CAP2: variants seen among roughly 807,000 people sequenced by gnomAD.
CAP2 encodes adenylyl cyclase-associated protein 2.
A neutral mutation model predicts 57.7 loss-of-function variants in CAP2; 24 were observed. The ratio of observed to expected loss-of-function variants is 0.42; its 90% CI spans 0.30 to 0.58. CAP2 has a LOEUF of 0.58. Ranked by LOEUF, CAP2 falls within the 20% of genes least tolerant of loss-of-function variation. CAP2 has a pLI of 0.22. For synonymous variants in CAP2, 194 were observed against 207.2 expected (o/e 0.94, Z 0.55); for missense variants, 501 against 590.3 (o/e 0.85, Z 1.57).
intron 12 of CAP2, among the ~76,000 whole-genome samples, chr6:17,552,003 G>A (rs779379097): frequency 6.6e-6 from 1 of 152,182 alleles, no homozygotes; most frequent in East Asian, 1.9e-4. Flanking sequence ...TATTTGTGCA[G>A]CTATGCTTAA....
rs147060969 is a variant in CAP2 at position 17,539,447 on chromosome 6, C to T, written c.815C>T (p.Ala272Val). Residue 272 changes from alanine (A) to valine (V), a missense_variant, in exon 8 of 13, where the codon GCA becomes GTA. Coordinates refer to ENST00000229922, the MANE Select transcript of CAP2 (RefSeq NM_006366.3). ...ALFAQLNQGEAITKGLRHVTD... is the reference protein window; with the variant it reads ...ALFAQLNQGEVITKGLRHVTD... ...TTTGCCCAACTTAACCAGGGAGAAG[C>T]AATTACAAAAGGTGAGAGAGAAAAG... 5 of 1,613,516 alleles carry T rather than the reference C, an allele frequency of 3.1e-6. No homozygotes were observed. The highest frequency in any genetic ancestry group is 4.2e-6 in the Non-Finnish European group (5 of 1,179,530).
At chr6:17,418,848 G>A (rs756946652) in intron 1 of CAP2, among the ~76,000 whole-genome samples, 4 of 152,146 alleles carry the variant, frequency 2.6e-5, no homozygotes, top group Admixed American at 1.3e-4. Flanking sequence ...AGAGGATTAC[G>A]TAAAGGATTC....
intron 3 of CAP2, among the ~76,000 whole-genome samples, chr6:17,445,543 G>A (rs1490772292): frequency 6.6e-6 from 1 of 152,180 alleles, no homozygotes; most frequent in Non-Finnish European, 1.5e-5. Flanking sequence ...AAATGACTTT[G>A]GAGTCTGAAA....
chr6:17,525,376 C>T (rs142755914), intron 7 of CAP2, among the ~76,000 whole-genome samples: 175 of 151,636 alleles, frequency 1.2e-3, no homozygotes, highest in African/African-American at 3.6e-3. Flanking sequence ...ACCTGCGAGG[C>T]GGTTGAACCT....
At chr6:17,515,505 T>G (rs1332655681) in intron 7 of CAP2, among the ~76,000 whole-genome samples, 1 of 152,048 alleles carries the variant, frequency 6.6e-6, no homozygotes, top group Non-Finnish European at 1.5e-5. Flanking sequence ...ACTTACTGGG[T>G]ACTGTGCCTA....
At chr6:17,488,292 C>T (rs531327840) in intron 4 of CAP2, among the ~76,000 whole-genome samples, 2 of 152,252 alleles carry the variant, frequency 1.3e-5, no homozygotes, top group East Asian at 3.9e-4. Flanking sequence ...TCTTTTTCTG[C>T]TGTTCTCTCA....
At chr6:17,496,847 A>G (rs1198131630) in intron 4 of CAP2, among the ~76,000 whole-genome samples, 1 of 152,174 alleles carries the variant, frequency 6.6e-6, no homozygotes, top group African/African-American at 2.4e-5. Context: ...ACATCATTTC[A>G]GCCACGTTCT....
chr6:17,552,862 G>A (rs1006285775), intron 12 of CAP2, among the ~76,000 whole-genome samples: 5 of 152,090 alleles, frequency 3.3e-5, no homozygotes, highest in Non-Finnish European at 7.4e-5. Context: ...TTCCCCACCT[G>A]GCAGTAAGTT....
At position 17,499,611 on chromosome 6, in the gene CAP2, G is replaced by A. The variant is rs376501560; in HGVS notation, c.301-7558G>A. On this transcript the variant is annotated intron_variant, in intron 4 of 12. Transcript: ENST00000229922. ...ACGCCTGTAATCCCAGACTTTGAGA[G>A]GCTGGGGTGGGAGGATTGCTTGAGC... Among the ~76,000 whole-genome samples, 141 of 152,112 alleles carry A rather than the reference G, an allele frequency of 9.3e-4. 2 individuals carry two copies. In the South Asian group the frequency reaches 0.024, roughly 26 times the overall value.
At chr6:17,475,037 A>G (rs1423914392) in intron 4 of CAP2, among the ~76,000 whole-genome samples, 1 of 152,118 alleles carries the variant, frequency 6.6e-6, no homozygotes, top group African/African-American at 2.4e-5. Context: ...TCTACTAAAA[A>G]TACAAAAATT....
chr6:17,397,782 C>T (rs542430093), intron 1 of CAP2, among the ~76,000 whole-genome samples: 3 of 149,584 alleles, frequency 2.0e-5, no homozygotes, highest in South Asian at 4.2e-4. Flanking sequence ...TGATTTATTT[C>T]ACCATTCTTG....
chr6:17,437,840 G>C (rs1213935915), intron 3 of CAP2, among the ~76,000 whole-genome samples: 1 of 152,118 alleles, frequency 6.6e-6, no homozygotes, highest in Non-Finnish European at 1.5e-5. Flanking sequence ...TCACGCCACT[G>C]CACTCGGTCC....
chr6:17,404,487 C>T (rs1016609837), intron 1 of CAP2, among the ~76,000 whole-genome samples: 1 of 152,100 alleles, frequency 6.6e-6, no homozygotes, highest in Non-Finnish European at 1.5e-5. Flanking sequence ...TGCCTGTAGT[C>T]CCAGCTACTC....
chr6:17,530,618 C>T (rs1339409760), intron 7 of CAP2, among the ~76,000 whole-genome samples: 2 of 152,238 alleles, frequency 1.3e-5, no homozygotes, highest in East Asian at 1.9e-4. Flanking sequence ...ATGAACAGTG[C>T]CACGGCATGT....
intron 7 of CAP2, among the ~76,000 whole-genome samples, chr6:17,535,704 C>T (rs1470032275): frequency 1.3e-5 from 2 of 152,074 alleles, no homozygotes; most frequent in Non-Finnish European, 2.9e-5. Flanking sequence ...TTTAAACAGC[C>T]TTTCTGATTT....
At chr6:17,503,502 G>C (rs1049685995) in intron 4 of CAP2, among the ~76,000 whole-genome samples, 7 of 151,564 alleles carry the variant, frequency 4.6e-5, no homozygotes, top group African/African-American at 1.2e-4. Flanking sequence ...TACTTGGGAG[G>C]CTGAGGCAGG....
At chr6:17,500,494 G>A (rs918279817) in intron 4 of CAP2, among the ~76,000 whole-genome samples, 1 of 150,032 alleles carries the variant, frequency 6.7e-6, no homozygotes, top group Non-Finnish European at 1.5e-5. Context: ...TCAGCCTCCC[G>A]AAATACTGTT....
At chr6:17,424,037 C>T (rs1759513628) in intron 2 of CAP2, among the ~76,000 whole-genome samples, 1 of 152,134 alleles carries the variant, frequency 6.6e-6, no homozygotes, top group Admixed American at 6.5e-5. Flanking sequence ...TTTTACCTTA[C>T]ATGTAAACAT....
intron 4 of CAP2, among the ~76,000 whole-genome samples, chr6:17,503,625 A>AAC (rs1168843476): frequency 2.0e-5 from 3 of 150,074 alleles, no homozygotes; most frequent in African/African-American, 7.4e-5. Context: ...AAAAAAAAAA[A>AAC]GACACCAGTC....
Sources: gnomAD v4.1 joint callset for allele counts (sites outside exome capture counted in the v4.1 genomes callset) on GRCh38, gnomAD v4.1.1 for gene constraint, MANE v1.5 for transcripts, NCBI Gene and HGNC (gene_info 2026-07-23, HGNC 2026-07-21) for gene names.